The following PLCB4 variants were observed in gnomAD, a reference collection of about 807,000 sequenced individuals.
The protein encoded by PLCB4 is phospholipase C beta 4.
Under a neutral mutation model 178.8 loss-of-function variants are expected in PLCB4, and 77 were observed. The ratio of observed to expected loss-of-function variants is 0.43; its 90% CI spans 0.36 to 0.52. The LOEUF is 0.52. Among genes scored for constraint, PLCB4 ranks in the 20% least tolerant of loss-of-function variants. The probability of loss-of-function intolerance (pLI) is 0.00; values close to 1 mark genes in which losing one functional copy is unlikely to be tolerated. For synonymous variants in PLCB4, 496 were observed against 490.8 expected, an observed-to-expected ratio of 1.01 and a Z score of -0.14; for missense variants, 1,024 against 1,453.4, an observed-to-expected ratio of 0.70 and a Z score of 4.80.
chr20:9,457,998 T>C (rs2043159205), intron 34 of PLCB4, among the ~76,000 whole-genome samples: 1 of 152,074 alleles, frequency 6.6e-6, no homozygotes, highest in South Asian at 2.1e-4. Flanking sequence ...TGAGAGACTT[T>C]AATCAACTTT....
At chr20:9,171,468 G>A (rs968371064) in intron 2 of PLCB4, among the ~76,000 whole-genome samples, 9 of 152,134 alleles carry the variant, frequency 5.9e-5, no homozygotes, top group Non-Finnish European at 1.3e-4. Context: ...TAGGGCTAAT[G>A]TATAGTTGTC....
chr20:9,163,057 T>C (rs1254471222), intron 2 of PLCB4, among the ~76,000 whole-genome samples: 1 of 152,098 alleles, frequency 6.6e-6, no homozygotes, highest in Admixed American at 6.6e-5. Flanking sequence ...ACAGTTGTCT[T>C]TTGCAGGCCT....
chr20:9,292,108 C>T (rs996574571), intron 3 of PLCB4, among the ~76,000 whole-genome samples: 1 of 152,148 alleles, frequency 6.6e-6, no homozygotes, highest in Non-Finnish European at 1.5e-5. Flanking sequence ...CTGCTCCTTT[C>T]CAAAGCACTT....
chr20:9,298,608 C>T (rs1601688723), intron 3 of PLCB4, among the ~76,000 whole-genome samples: 1 of 152,026 alleles, frequency 6.6e-6, no homozygotes, highest in African/African-American at 2.4e-5. Flanking sequence ...TGGATCTTCA[C>T]CCCAGGTAAC....
intron 3 of PLCB4, among the ~76,000 whole-genome samples, chr20:9,289,349 T>C (rs2094560897): frequency 6.6e-6 from 1 of 152,078 alleles, no homozygotes; most frequent in African/African-American, 2.4e-5. Flanking sequence ...TGGAACACTC[T>C]ACAAACAAAG....
At chr20:9,385,947 C>T (rs577410390) in intron 14 of PLCB4, among the ~76,000 whole-genome samples, 1 of 152,326 alleles carries the variant, frequency 6.6e-6, no homozygotes, top group African/African-American at 2.4e-5. Context: ...CACGCCACTA[C>T]ACTCCAGCCT....
intron 22 of PLCB4, 59 bp from the exon 23 acceptor site, chr20:9,408,574 T>C (rs181553068): frequency 2.9e-4 from 231 of 808,574 alleles, no homozygotes; most frequent in Middle Eastern, 2.0e-3. Context: ...TTTATTGCTG[T>C]TTTTCGGTGA....
At chr20:9,069,907 A>G (rs2089480209) in intron 1 of PLCB4, among the ~76,000 whole-genome samples, 1 of 152,242 alleles carries the variant, frequency 6.6e-6, no homozygotes, top group Non-Finnish European at 1.5e-5. Context: ...AAATATGGAT[A>G]TATCTGAAAG....
At chr20:9,134,294 T>C (rs1473509676) in intron 2 of PLCB4, among the ~76,000 whole-genome samples, 1 of 152,226 alleles carries the variant, frequency 6.6e-6, no homozygotes, top group Non-Finnish European at 1.5e-5. Context: ...ATTTCCACAG[T>C]AATTTACTAT....
At chr20:9,132,565 A>G (rs1005125205) in intron 2 of PLCB4, among the ~76,000 whole-genome samples, 1 of 152,188 alleles carries the variant, frequency 6.6e-6, no homozygotes, top group East Asian at 1.9e-4. Flanking sequence ...ATTCTTATTC[A>G]TAAGCCTGGT....
At chr20:9,305,102 C>T in intron 3 of PLCB4, among the ~76,000 whole-genome samples, 1 of 145,602 alleles carries the variant, frequency 6.9e-6, no homozygotes, top group East Asian at 2.1e-4. Flanking sequence ...TGTAAACAAC[C>T]ATAATTTTAC....
At chr20:9,133,751 T>C (rs930770268) in intron 2 of PLCB4, among the ~76,000 whole-genome samples, 5 of 152,146 alleles carry the variant, frequency 3.3e-5, no homozygotes, top group East Asian at 1.9e-4. Flanking sequence ...TTTCCTCACA[T>C]TGGGTGAATC....
At position 9,447,600 on chromosome 20, in the gene PLCB4, A is replaced by G. The variant is rs1241918005; in HGVS notation, c.2880+3357A>G. Among the ~76,000 whole-genome samples the G allele has an allele frequency of 2.0e-5, 3 of 152,244 alleles. No individual in the cohort carries two copies. In the South Asian group the frequency reaches 6.2e-4, roughly 31 times the overall value. Reference sequence around the variant, plus strand: ...TGAGGTCTCTACCTTTTGACAGGTGACAAAGTTACATCAGAAGTGGGAGTG... The same window carrying G: ...TGAGGTCTCTACCTTTTGACAGGTGGCAAAGTTACATCAGAAGTGGGAGTG... On this transcript the variant is annotated intron_variant, in intron 32 of 39. Transcript: ENST00000378473.
intron 28 of PLCB4, among the ~76,000 whole-genome samples, chr20:9,432,946 C>A (rs1355974873): frequency 6.6e-6 from 1 of 152,154 alleles, no homozygotes; most frequent in South Asian, 2.1e-4. Context: ...CCATCAGCAC[C>A]ACTAAAAGTA....
intron 1 of PLCB4, among the ~76,000 whole-genome samples, chr20:9,093,308 G>A (rs909586608): frequency 7.2e-5 from 11 of 152,064 alleles, no homozygotes; most frequent in South Asian, 4.2e-4. Context: ...CATGTAACTC[G>A]TTCGTAATTA....
At chr20:9,351,418 A>G (rs1241680268) in intron 7 of PLCB4, among the ~76,000 whole-genome samples, 3 of 152,188 alleles carry the variant, frequency 2.0e-5, no homozygotes, top group African/African-American at 7.2e-5. Context: ...GCACTGAATA[A>G]AAGTCAGTAA....
intron 3 of PLCB4, among the ~76,000 whole-genome samples, chr20:9,295,416 T>G (rs2094622637): frequency 6.6e-6 from 1 of 152,156 alleles, no homozygotes; most frequent in Admixed American, 6.6e-5. Flanking sequence ...TTTACAAATA[T>G]CCCAGGGTGC....
chr20:9,270,067 G>T (rs1216893712), intron 3 of PLCB4, among the ~76,000 whole-genome samples: 1 of 152,042 alleles, frequency 6.6e-6, no homozygotes, highest in Non-Finnish European at 1.5e-5. Flanking sequence ...TTAAAAAAAT[G>T]GGTTCCCCTG....
At chr20:9,289,507 T>G (rs928910212) in intron 3 of PLCB4, among the ~76,000 whole-genome samples, 4 of 152,116 alleles carry the variant, frequency 2.6e-5, no homozygotes, top group Non-Finnish European at 5.9e-5. Context: ...CCAGGATCTC[T>G]GTCCTCAGGT....
Sources: allele counts gnomAD v4.1 joint callset (sites outside exome capture counted in the v4.1 genomes callset), GRCh38; gene constraint gnomAD v4.1.1; transcripts MANE v1.5; gene names NCBI Gene and HGNC (gene_info 2026-07-23, HGNC 2026-07-21).